NTN4: variants seen among roughly 807,000 people sequenced by gnomAD.
The protein encoded by NTN4 is netrin-4.
A neutral mutation model predicts 73.6 loss-of-function variants in NTN4; 32 were observed. That is an observed-to-expected ratio of 0.44 (90% CI 0.33 to 0.58). NTN4 has a LOEUF of 0.58. NTN4 is among the 20% of genes least tolerant of loss of function. The probability of loss-of-function intolerance (pLI) is 0.04; values close to 1 mark genes in which losing one functional copy is unlikely to be tolerated. For missense variants in NTN4, 654 were observed against 798.3 expected, an observed-to-expected ratio of 0.82 and a Z score of 2.18; for synonymous variants, 258 against 287.5, an observed-to-expected ratio of 0.90 and a Z score of 1.04.
At chr12:95,761,340 T>TTTTTTTTC (rs1555220936) in intron 2 of NTN4, among the ~76,000 whole-genome samples, 6 of 146,292 alleles carry the variant, frequency 4.1e-5, no homozygotes, top group South Asian at 2.2e-4. Context: ...TTTTTTTTTT[T>TTTTTTTTC]CCCCAAGACG....
intron 2 of NTN4, among the ~76,000 whole-genome samples, chr12:95,761,036 G>A (rs1219145797): frequency 6.6e-6 from 1 of 152,156 alleles, no homozygotes; most frequent in Non-Finnish European, 1.5e-5. Context: ...TGTATTAGGA[G>A]GTATGCGCAG....
intron 2 of NTN4, among the ~76,000 whole-genome samples, chr12:95,762,466 A>C (rs1386394540): frequency 1.3e-5 from 2 of 152,374 alleles, no homozygotes; most frequent in African/African-American, 4.8e-5. Flanking sequence ...ATCTTTTCCC[A>C]TTAAGTTTCG....
At chr12:95,782,327 A>G (rs961883981) in intron 2 of NTN4, among the ~76,000 whole-genome samples, 1 of 150,336 alleles carries the variant, frequency 6.7e-6, no homozygotes, top group African/African-American at 2.5e-5. Flanking sequence ...ACAGAGTCTC[A>G]CTCTGTCGCC....
chr12:95,754,052 A>G (rs2078929816), intron 2 of NTN4, among the ~76,000 whole-genome samples: 1 of 152,214 alleles, frequency 6.6e-6, no homozygotes, highest in Non-Finnish European at 1.5e-5. Flanking sequence ...TAACTCCTGA[A>G]GTAAACAAAC....
chr12:95,662,261 C>T (rs1434727980), intron 9 of NTN4, among the ~76,000 whole-genome samples: 5 of 117,772 alleles, frequency 4.2e-5, no homozygotes, highest in Admixed American at 2.4e-4. Flanking sequence ...GACAGGGTCT[C>T]ACTCTGTCAC....
rs538304690 is a variant in NTN4 at position 95,775,106 on chromosome 12, G to A, written c.585+11833C>T. ...CCTTTTCAAATGCTCTCATTCTAAGGAACACTAGCAAAAGGGGTTTTTATC... is the reference window on the plus strand; with the variant it reads ...CCTTTTCAAATGCTCTCATTCTAAGAAACACTAGCAAAAGGGGTTTTTATC... On this transcript the variant is annotated intron_variant, in intron 2 of 9. Coordinates refer to ENST00000343702, the MANE Select transcript of NTN4 (RefSeq NM_021229.4). 3.9e-5 allele frequency among the ~76,000 whole-genome samples: 6 copies of A among 152,230 alleles called. No individual in the cohort carries two copies. The South Asian group carries it at 1.0e-3, about 26-fold the overall frequency.
chr12:95,762,674 G>T (rs994633479), intron 2 of NTN4, among the ~76,000 whole-genome samples: 1 of 152,212 alleles, frequency 6.6e-6, no homozygotes, highest in Admixed American at 6.5e-5. Context: ...TAATTCACAT[G>T]ATTCGTATAG....
chr12:95,771,282 C>T (rs576023407), intron 2 of NTN4, among the ~76,000 whole-genome samples: 14 of 152,278 alleles, frequency 9.2e-5, no homozygotes, highest in African/African-American at 3.1e-4. Context: ...AGCCACCGCG[C>T]GGGGCCAAGA....
Position 95,750,848 on chromosome 12 carries a change from C to T in NTN4, c.586-12704G>A, listed in dbSNP as rs191099736. On this transcript the variant is annotated intron_variant, in intron 2 of 9. Transcript: ENST00000343702. ...CCCTATAATCCTTTTATCACCTCCCCTCCTCACACCTGGTCCGGCTTACAG... is the reference window on the plus strand; with the variant it reads ...CCCTATAATCCTTTTATCACCTCCCTTCCTCACACCTGGTCCGGCTTACAG... Among the ~76,000 whole-genome samples, 828 of 152,330 alleles carry T rather than the reference C, an allele frequency of 5.4e-3. 13 individuals are homozygous for T. The highest frequency in any genetic ancestry group is 3.5e-3 in the Non-Finnish European group (235 of 68,034).
chr12:95,704,650 A>G (rs1039609021), intron 5 of NTN4, among the ~76,000 whole-genome samples: 4 of 152,214 alleles, frequency 2.6e-5, no homozygotes, highest in Non-Finnish European at 4.4e-5. Context: ...ACGTAGGTAG[A>G]GAGAACTGGA....
intron 3 of NTN4, among the ~76,000 whole-genome samples, chr12:95,723,479 A>C (rs886153244): frequency 1.3e-5 from 2 of 152,152 alleles, no homozygotes; most frequent in African/African-American, 4.8e-5. Flanking sequence ...ATTGCCCTTC[A>C]TATTGACTTG....
At chr12:95,752,333 C>G (rs28786482) in intron 2 of NTN4, among the ~76,000 whole-genome samples, 2,062 of 150,816 alleles carry the variant, frequency 0.014, 29 homozygotes, top group African/African-American at 0.048. Flanking sequence ...TTTTGCCTAT[C>G]CACCCCGTGG....
At chr12:95,722,789 G>A (rs1476990315) in intron 3 of NTN4, among the ~76,000 whole-genome samples, 6 of 152,048 alleles carry the variant, frequency 3.9e-5, no homozygotes, top group East Asian at 3.9e-4. Context: ...GGCCTGGCCA[G>A]CATAGTGAAA....
chr12:95,700,455 T>C (rs79678587), intron 5 of NTN4, among the ~76,000 whole-genome samples: 7,926 of 152,140 alleles, frequency 0.052, 691 homozygotes, highest in African/African-American at 0.18. Flanking sequence ...GACTCTAAGA[T>C]TGCACATTTT....
intron 5 of NTN4, among the ~76,000 whole-genome samples, chr12:95,691,471 C>G (rs1482511954): frequency 6.6e-6 from 1 of 152,218 alleles, no homozygotes; most frequent in Admixed American, 6.5e-5. Flanking sequence ...TCTTGGCTGA[C>G]TACAACCTCC....
At chr12:95,702,448 C>T (rs764431691) in intron 5 of NTN4, among the ~76,000 whole-genome samples, 4 of 152,154 alleles carry the variant, frequency 2.6e-5, no homozygotes, top group Non-Finnish European at 4.4e-5. Flanking sequence ...CACACTCTCC[C>T]TAAGGCACTT....
intron 3 of NTN4, among the ~76,000 whole-genome samples, chr12:95,731,422 C>T (rs933200588): frequency 3.3e-5 from 5 of 151,984 alleles, no homozygotes; most frequent in African/African-American, 7.2e-5. Flanking sequence ...AAAAATTAGC[C>T]GGGTGTGGTA....
intron 2 of NTN4, among the ~76,000 whole-genome samples, chr12:95,759,254 A>G (rs978197507): frequency 2.0e-5 from 3 of 149,996 alleles, no homozygotes; most frequent in Non-Finnish European, 4.4e-5. Flanking sequence ...AAGTTTGGAA[A>G]TTTTTTTTTT....
At chr12:95,748,606 A>C (rs1043344135) in intron 2 of NTN4, among the ~76,000 whole-genome samples, 5 of 151,390 alleles carry the variant, frequency 3.3e-5, no homozygotes, top group Non-Finnish European at 7.4e-5. Flanking sequence ...GAGTAGCTGG[A>C]ATTACAGGCA....
Sources: gnomAD v4.1 joint callset for allele counts (sites outside exome capture counted in the v4.1 genomes callset) on GRCh38, gnomAD v4.1.1 for gene constraint, MANE v1.5 for transcripts, NCBI Gene and HGNC (gene_info 2026-07-23, HGNC 2026-07-21) for gene names.